CPSF2: variants seen among roughly 807,000 people sequenced by gnomAD.
CPSF2 encodes the protein cleavage and polyadenylation specific factor 2.
Under a neutral mutation model 84.2 loss-of-function variants are expected in CPSF2, and 51 were observed. That is an observed-to-expected ratio of 0.61 (90% CI 0.48 to 0.77). The LOEUF (loss-of-function observed/expected upper bound fraction) is 0.77. CPSF2 is among the 30% of genes least tolerant of loss of function. The pLI is 0.00. For missense variants in CPSF2, 641 were observed against 929.4 expected (o/e 0.69, Z 4.03); for synonymous variants, 286 against 311.9 (o/e 0.92, Z 0.87).
Position 92,134,243 on chromosome 14 carries a change from C to A in CPSF2, c.310-7C>A. ...GTTTTTCACCTTTATTTGTGTTATT[C>A]TTTTAGTCTCGACACAATACAGAAG... On this transcript the variant is annotated splice_region_variant and splice_polypyrimidine_tract_variant and intron_variant, in intron 4 of 15. Transcript: ENST00000298875. 1 of 1,611,876 alleles carries A rather than the reference C, an allele frequency of 6.2e-7. No homozygotes were observed. Among genetic ancestry groups the A allele is most frequent in the Non-Finnish European group, 8.5e-7 (1 of 1,178,134 alleles).
chr14:92,154,604 G>T, intron 10 of CPSF2, 146 bp downstream of exon 10: 1 of 572,988 alleles, frequency 1.7e-6, no homozygotes, highest in Admixed American at 3.2e-5. Flanking sequence ...TAGAATACCA[G>T]ATCCTGTCAG....
chr14:92,140,327 G>A lies in CPSF2; in HGVS notation c.662-1837G>A, dbSNP rs61976582. On this transcript the variant is annotated intron_variant, in intron 7 of 15. Transcript: ENST00000298875. Reference sequence around the variant, plus strand: ...GCTCAAGCCAGACACTGTGGTTCACGCCTGACATTGTGGTCAATGGTCAAC... The same window carrying A: ...GCTCAAGCCAGACACTGTGGTTCACACCTGACATTGTGGTCAATGGTCAAC... 2.0e-3 allele frequency among the ~76,000 whole-genome samples: 305 copies of A among 152,064 alleles called. 1 individual carries two copies. Among genetic ancestry groups the A allele is most frequent in the Non-Finnish European group, 3.7e-3 (250 of 67,998 alleles).
intron 15 of CPSF2, 74 bp downstream of exon 15, chr14:92,161,320 C>A: frequency 6.7e-7 from 1 of 1,494,316 alleles, no homozygotes; most frequent in South Asian, 1.3e-5. Flanking sequence ...TTCTGTAATT[C>A]TTGTTTGGTA....
rs2069270709 is a variant in CPSF2 at position 92,155,042 on chromosome 14, G to A, written c.1242-81G>A. 4 of 895,150 alleles carry A rather than the reference G, an allele frequency of 4.5e-6. No homozygotes were observed. In the Admixed American group the frequency reaches 9.4e-5, roughly 21 times the overall value. 55.5% of individuals were successfully genotyped at this position (895,150 alleles called of 1,614,324 possible). A position where few individuals can be genotyped will look rare whatever the true frequency, so the allele number is the denominator to read the frequency against. ...TATTGAATTAATAATATTGAGTATG[G>A]ATTCAGTAATAAATTGATAAATATT... On this transcript the variant is annotated intron_variant, in intron 10 of 15. Transcript: ENST00000298875.
At chr14:92,133,797 A>G (rs938030994) in intron 3 of CPSF2, among the ~76,000 whole-genome samples, 2 of 152,146 alleles carry the variant, frequency 1.3e-5, no homozygotes, top group South Asian at 2.1e-4. Flanking sequence ...TGTACACACC[A>G]TATATTTAAG....
chr14:92,155,302 A>G lies in CPSF2; in HGVS notation c.1421A>G (p.Asp474Gly). Residue 474 changes from aspartate (D) to glycine (G), a missense_variant, in exon 11 of 16, where the codon GAT becomes GGT. Around this residue, in one of 2 missense-constraint regions of CPSF2, gnomAD observed 430 missense variants for 553.6 expected, o/e 0.78. Transcript: ENST00000298875. The stretch of plus-strand genomic sequence containing the variant: ...GCCCCAGAAGAAAGAATTAAATGGG[A>G]TGAATATGGAGAGATTATCAAGTAT... ...FPAPEERIKW[D>G]EYGEIIKPED... 1.2e-6 allele frequency: 2 copies of G among 1,613,976 alleles called. No individual in the cohort carries two copies. The highest frequency in any genetic ancestry group is 4.5e-5 in the East Asian group (2 of 44,854).
chr14:92,128,974 A>G (rs2068880553), intron 2 of CPSF2, among the ~76,000 whole-genome samples: 1 of 152,198 alleles, frequency 6.6e-6, no homozygotes, highest in Non-Finnish European at 1.5e-5. Flanking sequence ...GAATGAGGCC[A>G]GGTGAATAGA....
At chr14:92,134,405 G>T in intron 5 of CPSF2, 50 bp downstream of exon 5, 1 of 1,235,470 alleles carries the variant, frequency 8.1e-7, no homozygotes, top group South Asian at 1.3e-5. Context: ...GGTTTAACTT[G>T]CTGGAAAATA....
At position 92,157,647 on chromosome 14, in the gene CPSF2, A is replaced by G; in HGVS notation, c.1596-12A>G. On this transcript the variant is annotated splice_polypyrimidine_tract_variant and intron_variant, in intron 12 of 15. Transcript: ENST00000298875. The surrounding 1 kb of genome is among the most constrained non-coding windows in gnomAD (Gnocchi z 4.0). ...GAGAAAAGTAATCTTGAATAATCAT[A>G]TCTAATTACAGAGCCCGGGTTACCT... 2 of 1,592,582 alleles carry G rather than the reference A, an allele frequency of 1.3e-6. No individual in the cohort carries two copies. Among genetic ancestry groups the G allele is most frequent in the East Asian group, 2.2e-5 (1 of 44,724 alleles).
intron 3 of CPSF2, among the ~76,000 whole-genome samples, chr14:92,132,885 G>T (rs1489969449): frequency 6.6e-6 from 1 of 152,066 alleles, no homozygotes; most frequent in African/African-American, 2.4e-5. Flanking sequence ...GAGGTCAGGA[G>T]TTTAAGACCA....
chr14:92,163,272 C>G lies in CPSF2; in HGVS notation c.*1528C>G, dbSNP rs1241347257. The G allele has an allele frequency of 6.6e-6, 1 of 152,270 alleles. No individual in the cohort carries two copies. The highest frequency in any genetic ancestry group is 1.5e-5 in the Non-Finnish European group (1 of 68,028). 9.4% of individuals were successfully genotyped at this position (152,270 alleles called of 1,614,324 possible). ...TGGAACAACCCAGTAATATCAGACTCGAATTACTATTTCATTCTATTTCAA... is the reference window on the plus strand; with the variant it reads ...TGGAACAACCCAGTAATATCAGACTGGAATTACTATTTCATTCTATTTCAA... On this transcript the variant is annotated 3_prime_UTR_variant, in exon 16 of 16. Transcript: ENST00000298875.
chr14:92,158,945 G>A, intron 13 of CPSF2, 38 bp from the exon 14 acceptor site: 2 of 1,507,486 alleles, frequency 1.3e-6, no homozygotes, highest in Non-Finnish European at 1.8e-6. Context: ...TATGTATTCT[G>A]TGGGTTTTAT....
chr14:92,149,007 A>G (rs2069177960), intron 9 of CPSF2, among the ~76,000 whole-genome samples: 1 of 152,162 alleles, frequency 6.6e-6, no homozygotes, highest in Admixed American at 6.5e-5. Context: ...TACATTGTAT[A>G]TGTGTGCTGT....
At chr14:92,135,339 T>C (rs1595053971) in intron 5 of CPSF2, 28 bp from the exon 6 acceptor site, 3 of 1,570,254 alleles carry the variant, frequency 1.9e-6, no homozygotes, top group Non-Finnish European at 1.7e-6. Flanking sequence ...GTAAAAGAAA[T>C]CTGAGTATTG....
intron 8 of CPSF2, 130 bp from the exon 9 acceptor site, chr14:92,142,874 T>G: frequency 1.3e-6 from 1 of 795,934 alleles, no homozygotes; most frequent in South Asian, 1.9e-5. Flanking sequence ...ATAAGCTGCT[T>G]GTCAAAACAG....
In CPSF2 at chr14:92,169,517, C is replaced by A. The variant is rs2069492090; in HGVS notation, c.*7773C>A. 1.3e-5 allele frequency: 2 copies of A among 152,030 alleles called. No homozygotes were observed. Among genetic ancestry groups the A allele is most frequent in the Admixed American group, 6.6e-5 (1 of 15,254 alleles). 9.4% of individuals were successfully genotyped at this position (152,030 alleles called of 1,614,324 possible). A position where few individuals can be genotyped will look rare whatever the true frequency, so the allele number is the denominator to read the frequency against. On this transcript the variant is annotated 3_prime_UTR_variant, in exon 16 of 16. Coordinates refer to ENST00000298875, the MANE Select transcript of CPSF2 (RefSeq NM_017437.3). ...AAGGTTACTATAATTTCCAACTTCA[C>A]CCATAGGTCATGGTATAGTTGAAAT...
intron 1 of CPSF2, among the ~76,000 whole-genome samples, chr14:92,122,849 CT>C (rs1469474165): frequency 6.9e-6 from 1 of 144,248 alleles, no homozygotes; most frequent in Admixed American, 7.1e-5. Flanking sequence ...TTTCTTTTTT[CT>C]TTCTTTTTTT....
intron 12 of CPSF2, among the ~76,000 whole-genome samples, chr14:92,156,899 A>T (rs2069297893): frequency 6.6e-6 from 1 of 152,190 alleles, no homozygotes; most frequent in Non-Finnish European, 1.5e-5. Flanking sequence ...TTATATGAAG[A>T]AAAATTATTT....
chr14:92,141,869 C>T (rs1464290901), intron 7 of CPSF2, among the ~76,000 whole-genome samples: 2 of 152,148 alleles, frequency 1.3e-5, no homozygotes, highest in Non-Finnish European at 1.5e-5. Flanking sequence ...CTCAGTGATA[C>T]ACACACCATT....
Sources: allele counts gnomAD v4.1 joint callset (sites outside exome capture counted in the v4.1 genomes callset), GRCh38; gene constraint gnomAD v4.1.1; regional missense constraint gnomAD v4.1.1; non-coding constraint Gnocchi (gnomAD v3.1); transcripts MANE v1.5; gene names NCBI Gene and HGNC (gene_info 2026-07-23, HGNC 2026-07-21).